SMC4: variants seen among roughly 807,000 people sequenced by gnomAD.
SMC4 encodes the protein structural maintenance of chromosomes 4, also known as structural maintenance of chromosomes protein 4.
Under a neutral mutation model 145.6 loss-of-function variants are expected in SMC4, and 87 were observed. That is an observed-to-expected ratio of 0.60 (90% CI 0.50 to 0.71). The LOEUF (loss-of-function observed/expected upper bound fraction) is 0.71. Ranked by LOEUF, SMC4 falls within the 30% of genes least tolerant of loss-of-function variation. SMC4 has a pLI of 0.00. For synonymous variants in SMC4, 558 were observed against 500.7 expected, an observed-to-expected ratio of 1.11 and a Z score of -1.53; for missense variants, 1,447 against 1,537.1, an observed-to-expected ratio of 0.94 and a Z score of 0.98.
chr3:160,427,981 C>A (rs1181935754), intron 17 of SMC4, among the ~76,000 whole-genome samples: 2 of 152,096 alleles, frequency 1.3e-5, no homozygotes, highest in Non-Finnish European at 2.9e-5. Flanking sequence ...TGTGGTGGCA[C>A]ATGCTTATAA....
intron 8 of SMC4, chr3:160,414,021 A>T (rs542569904): frequency 1.2e-5 from 4 of 347,704 alleles, no homozygotes; most frequent in Non-Finnish European, 2.1e-5. Flanking sequence ...AAATAAAAAA[A>T]TTTGTATAGT....
At chr3:160,404,706 T>C (rs530751911) in intron 5 of SMC4, 1 of 712,006 alleles carries the variant, frequency 1.4e-6, no homozygotes, top group Admixed American at 1.8e-5. Flanking sequence ...GTTTTCATCA[T>C]CAGATGTTCG....
intron 5 of SMC4, chr3:160,404,857 G>A (rs766731886): frequency 3.8e-5 from 18 of 472,088 alleles, no homozygotes; most frequent in African/African-American, 3.0e-4. Context: ...TCAATTGTTT[G>A]TATTTCCCTT....
rs1206777492 is a variant in SMC4 at position 160,434,548 on chromosome 3, TATG to T, written c.*742_*744del. The T allele has an allele frequency of 3.9e-5, 6 of 152,250 alleles. No individual in the cohort carries two copies. The highest frequency in any genetic ancestry group is 1.4e-4 in the African/African-American group (6 of 41,466). The allele number at this position is 152,250 out of a possible 1,614,324, so 9.4% of individuals were successfully genotyped here. ...GCATTTCAACTTGATAGTTTCAACT[TATG>T]ATAGGTTTACCAGGATGTAGTCCCA... On this transcript the variant is annotated 3_prime_UTR_variant, in exon 24 of 24. Transcript: ENST00000357388.
intron 5 of SMC4, among the ~76,000 whole-genome samples, chr3:160,405,590 A>G (rs1391485645): frequency 6.6e-6 from 1 of 152,046 alleles, no homozygotes; most frequent in Non-Finnish European, 1.5e-5. Context: ...CATTCATAGT[A>G]TACAAGGTAA....
chr3:160,431,772 C>G lies in SMC4; in HGVS notation c.3244C>G (p.Arg1082Gly). The G allele has an allele frequency of 6.2e-7, 1 of 1,613,694 alleles. No individual in the cohort carries two copies. Among genetic ancestry groups the G allele is most frequent in the South Asian group, 1.1e-5 (1 of 91,000 alleles). Residue 1082 changes from arginine (R) to glycine (G), a missense_variant, in exon 21 of 24, where the codon CGG becomes GGG. Transcript: ENST00000357388. ...ITNQIALLEA[R>G]CHEMKPNLGA... ...AAATCAAATTGCACTTTTGGAAGCC[C>G]GGTGTCATGAAATGAAACCAAACCT...
chr3:160,431,802 G>C lies in SMC4; in HGVS notation c.3274G>C (p.Ala1092Pro). The change falls in exon 21 of 24, where the codon GCC becomes CCC. Residue 1092 changes from alanine to proline, a missense_variant. Physicochemically the swap from Ala to Pro is conservative, Grantham distance 27 (BLOSUM62 -1). Transcript: ENST00000357388. ...TCATGAAATGAAACCAAACCTCGGTGCCATCGCAGAGTATAAAAAGAAGGT... is the reference window on the plus strand; with the variant it reads ...TCATGAAATGAAACCAAACCTCGGTCCCATCGCAGAGTATAAAAAGAAGGT... ...RCHEMKPNLG[A>P]IAEYKKKEEL... is the part of the protein sequence containing the mutation. 1 of 1,613,340 alleles carries C rather than the reference G, an allele frequency of 6.2e-7. No individual in the cohort carries two copies. Among genetic ancestry groups the C allele is most frequent in the Non-Finnish European group, 8.5e-7 (1 of 1,179,856 alleles).
At chr3:160,419,304 C>A in intron 11 of SMC4, 54 bp from the exon 12 acceptor site, 3 of 1,183,386 alleles carry the variant, frequency 2.5e-6, no homozygotes, top group South Asian at 1.4e-5. Context: ...AGTGCTATGA[C>A]TGGTCATATT....
chr3:160,407,706 C>G (rs1715497370), intron 5 of SMC4, among the ~76,000 whole-genome samples: 1 of 151,964 alleles, frequency 6.6e-6, no homozygotes, highest in Middle Eastern at 3.4e-3. Flanking sequence ...GTTCTAGTCT[C>G]TTAGTCTGTA....
chr3:160,414,171 A>G, intron 8 of SMC4, 196 bp from the exon 9 acceptor site: 1 of 594,360 alleles, frequency 1.7e-6, no homozygotes, highest in South Asian at 1.5e-5. Flanking sequence ...GAAAGGCAAA[A>G]TAGCTGTCAT....
In SMC4 at chr3:160,433,193, T is replaced by C. The variant is rs2108508381; in HGVS notation, c.3698T>C (p.Val1233Ala). 1 of 1,612,146 alleles carries C rather than the reference T, an allele frequency of 6.2e-7. No homozygotes were observed. Among genetic ancestry groups the C allele is most frequent in the Non-Finnish European group, 8.5e-7 (1 of 1,178,580 alleles). The part of the protein sequence containing the change: ...AALDFKNVSI[V>A]AFYIYEQTKN... ...CTTGATTTTAAAAATGTGTCCATTGTTGCATTTTATATATATGTAAGTAAT... is the reference window on the plus strand; with the variant it reads ...CTTGATTTTAAAAATGTGTCCATTGCTGCATTTTATATATATGTAAGTAAT... The change falls in exon 23 of 24, where the codon GTT becomes GCT. Residue 1233 changes from valine to alanine, a missense_variant. Transcript: ENST00000357388.
intron 1 of SMC4, 69 bp from the exon 2 acceptor site, chr3:160,400,753 C>T (rs997268723): frequency 7.5e-5 from 106 of 1,407,988 alleles, no homozygotes; most frequent in Middle Eastern, 5.9e-4. Flanking sequence ...ACCGAGATTT[C>T]CCCGGGTGGG....
intron 4 of SMC4, among the ~76,000 whole-genome samples, chr3:160,403,553 T>C (rs906653126): frequency 6.6e-6 from 1 of 152,134 alleles, no homozygotes; most frequent in South Asian, 2.1e-4. Flanking sequence ...GTCTTTTGAA[T>C]TCGTTTTCCT....
chr3:160,407,625 T>A (rs1443219789), intron 5 of SMC4, among the ~76,000 whole-genome samples: 1 of 152,140 alleles, frequency 6.6e-6, no homozygotes, highest in Non-Finnish European at 1.5e-5. Flanking sequence ...AACCTAGGTC[T>A]GAGTTGTTGC....
rs766009890 is a variant in SMC4 at position 160,401,919 on chromosome 3, T to A, written c.144T>A (p.Thr48=). ...CCTTTCCTTTCACTGACTTAGAGAC[T>A]GCAAGTGAGGAACTTGATAATAGAA... is the stretch of plus-strand genomic sequence containing the variant. ...RTESPATAAE[T]ASEELDNRSL... is the part of the protein sequence containing the mutation. The change falls in exon 3 of 24, where the codon ACT becomes ACA. Residue 48 remains threonine, a synonymous_variant. Coordinates refer to ENST00000357388, the MANE Select transcript of SMC4 (RefSeq NM_001002800.3). 2.5e-6 allele frequency: 4 copies of A among 1,599,972 alleles called. No individual in the cohort carries two copies. The highest frequency in any genetic ancestry group is 1.7e-4 in the Middle Eastern group (1 of 5,796).
intron 7 of SMC4, 101 bp from the exon 8 acceptor site, chr3:160,413,369 TTAA>T: frequency 8.8e-7 from 1 of 1,134,044 alleles, no homozygotes; most frequent in South Asian, 1.5e-5. Context: ...TATTGACTAG[TTAA>T]TAATATTTTA....
chr3:160,426,019 AAT>A, intron 16 of SMC4, 53 bp from the exon 17 acceptor site: 1 of 1,382,670 alleles, frequency 7.2e-7, no homozygotes, highest in Non-Finnish European at 9.9e-7. Context: ...AAAAATTCAC[AAT>A]GTTTAAAGCA....
At chr3:160,418,080 A>C in intron 11 of SMC4, 124 bp downstream of exon 11, 2 of 752,610 alleles carry the variant, frequency 2.7e-6, no homozygotes, top group Non-Finnish European at 4.4e-6. Context: ...GTATAATCTC[A>C]AAAGAATGAG....
At chr3:160,427,737 TTAAA>T (rs1302483991) in intron 17 of SMC4, among the ~76,000 whole-genome samples, 8 of 152,198 alleles carry the variant, frequency 5.3e-5, no homozygotes, top group African/African-American at 1.9e-4. Flanking sequence ...ATTCATATTT[TTAAA>T]TAAAGGCTAC....
Sources: gnomAD v4.1 joint callset for allele counts (sites outside exome capture counted in the v4.1 genomes callset) on GRCh38, gnomAD v4.1.1 for gene constraint, MANE v1.5 for transcripts, NCBI Gene and HGNC (gene_info 2026-07-23, HGNC 2026-07-21) for gene names.